The following NPEPL1 variants were observed in gnomAD, a reference collection of about 807,000 sequenced individuals.
NPEPL1 encodes probable aminopeptidase NPEPL1.
Under a neutral mutation model 52.4 loss-of-function variants are expected in NPEPL1, and 45 were observed. The ratio of observed to expected loss-of-function variants is 0.86; its 90% CI spans 0.68 to 1.10. NPEPL1 has a LOEUF of 1.10. NPEPL1 is among the 50% of genes least tolerant of loss of function. NPEPL1 has a pLI of 0.00. For synonymous variants in NPEPL1, 360 were observed against 314.7 expected (o/e 1.14, Z -1.52); for missense variants, 696 against 710.9 (o/e 0.98, Z 0.24).
intron 6 of NPEPL1, 49 bp downstream of exon 6, chr20:58,701,207 G>A (rs745925159): frequency 7.5e-7 from 1 of 1,328,484 alleles, no homozygotes. Flanking sequence ...GGGAGGGGAA[G>A]GTGAGGTGCA....
Position 58,713,460 on chromosome 20 carries a change from G to C in NPEPL1, c.1042G>C (p.Val348Leu), listed in dbSNP as rs763696613. The C allele has an allele frequency of 1.1e-5, 18 of 1,610,866 alleles. No homozygotes were observed. The East Asian group carries it at 4.0e-4, about 36-fold the overall frequency. The change falls in exon 9 of 12, where the codon GTG becomes CTG. Residue 348 changes from valine to leucine, a missense_variant. Transcript: ENST00000356091. This position sits in a 1 kb window ranked among gnomAD's most constrained non-coding sequence, Gnocchi z 4.6. ...CAACACGGATGCCGAGGGCAGGCTG[G>C]TGCTGGCAGATGGCGTGTCCTATGC... ...INNTDAEGRL[V>L]LADGVSYACK...
chr20:58,695,496 C>T (rs1028255029), intron 3 of NPEPL1, among the ~76,000 whole-genome samples: 9 of 152,222 alleles, frequency 5.9e-5, no homozygotes, highest in Non-Finnish European at 1.0e-4. Flanking sequence ...CCCACGGCAG[C>T]GGTCCCAGCC....
chr20:58,706,700 C>T (rs1309717779), intron 6 of NPEPL1, among the ~76,000 whole-genome samples: 2 of 152,146 alleles, frequency 1.3e-5, no homozygotes, highest in African/African-American at 4.8e-5. Flanking sequence ...GAGAGTGGCC[C>T]TGCAGACAGA....
chr20:58,702,295 C>CT (rs2084645027), intron 6 of NPEPL1, among the ~76,000 whole-genome samples: 1 of 148,810 alleles, frequency 6.7e-6, no homozygotes, highest in Non-Finnish European at 1.5e-5. Context: ...GGGCCTGCCC[C>CT]TGGTGTCACC....
chr20:58,698,553 C>T lies in NPEPL1; in HGVS notation c.508-131C>T, dbSNP rs370378631. The T allele has an allele frequency of 3.0e-5, 23 of 769,570 alleles. No individual in the cohort carries two copies. The East Asian group carries it at 3.8e-4, about 13-fold the overall frequency. The allele number at this position is 769,570 out of a possible 1,614,324, so 47.7% of individuals were successfully genotyped here. A position where few individuals can be genotyped will look rare whatever the true frequency, so the allele number is the denominator to read the frequency against. On this transcript the variant is annotated intron_variant, in intron 3 of 11. Coordinates refer to ENST00000356091, the MANE Select transcript of NPEPL1 (RefSeq NM_024663.4). Reference sequence around the variant, plus strand: ...AGCGAGAGCCATGGTCCCCCTCTCCCCTCTCTTTGCTGCCCTGTCAGTAGC... The same window carrying T: ...AGCGAGAGCCATGGTCCCCCTCTCCTCTCTCTTTGCTGCCCTGTCAGTAGC...
In NPEPL1 at chr20:58,715,188, C is replaced by T. The variant is rs761006655; in HGVS notation, c.1434C>T (p.Phe478=). The part of the protein sequence containing the change: ...PVHAGERATG[F]GVALLLALFG... ...TGCAGGGTGAGCGAGCCACAGGCTT[C>T]GGTGTGGCCCTCCTGCTGGCGCTCT... Residue 478 remains phenylalanine, a synonymous_variant, in exon 12 of 12, where the codon TTC becomes TTT. Coordinates refer to ENST00000356091, the MANE Select transcript of NPEPL1 (RefSeq NM_024663.4). 5.9e-5 allele frequency: 94 copies of T among 1,606,458 alleles called. No homozygotes were observed. The highest frequency in any genetic ancestry group is 7.5e-5 in the Non-Finnish European group (88 of 1,178,230).
Position 58,693,833 on chromosome 20 carries a change from G to A in NPEPL1, c.247G>A (p.Val83Met). Residue 83 changes from valine (V) to methionine (M), a missense_variant, in exon 2 of 12, where the codon GTG (valine) becomes ATG (methionine). Val to Met is a conservative substitution (Grantham distance 21). Coordinates refer to ENST00000356091, the MANE Select transcript of NPEPL1 (RefSeq NM_024663.4). ...YATVAALPCR[V>M]SRHNSPSAAH... is the part of the protein sequence containing the mutation. ...CACCGTGGCTGCCCTGCCCTGCAGG[G>A]TGAGCCGGCACAACAGCCCCTCGGC... The A allele has an allele frequency of 1.2e-6, 2 of 1,613,704 alleles. No homozygotes were observed. The highest frequency in any genetic ancestry group is 1.7e-6 in the Non-Finnish European group (2 of 1,179,822).
At chr20:58,702,247 G>A (rs1025927247) in intron 6 of NPEPL1, among the ~76,000 whole-genome samples, 6 of 152,252 alleles carry the variant, frequency 3.9e-5, no homozygotes, top group African/African-American at 7.2e-5. Context: ...CAGTGCTGGC[G>A]TTCTGTTCCC....
chr20:58,698,828 C>T (rs2084547839), intron 4 of NPEPL1, 55 bp downstream of exon 4: 1 of 1,502,474 alleles, frequency 6.7e-7, no homozygotes, highest in African/African-American at 1.4e-5. Context: ...GTGTCATAGA[C>T]TCCCAGGAGA....
intron 3 of NPEPL1, among the ~76,000 whole-genome samples, chr20:58,697,858 C>T (rs893656895): frequency 6.6e-6 from 1 of 152,240 alleles, no homozygotes; most frequent in African/African-American, 2.4e-5. Flanking sequence ...TTGGGACCCA[C>T]GTGATGTGTG....
intron 11 of NPEPL1, 128 bp from the exon 12 acceptor site, chr20:58,715,040 C>G (rs1186764813): frequency 9.2e-7 from 1 of 1,089,852 alleles, no homozygotes; most frequent in Non-Finnish European, 1.3e-6. Context: ...GGCTGGTGCT[C>G]AGGATCTCCT....
intron 7 of NPEPL1, among the ~76,000 whole-genome samples, chr20:58,711,938 G>A (rs1282000506): frequency 7.2e-6 from 1 of 139,006 alleles, no homozygotes; most frequent in East Asian, 2.2e-4. Flanking sequence ...TGCTGCCCGG[G>A]TGTGGCCCGC....
At position 58,713,391 on chromosome 20, in the gene NPEPL1, C is replaced by T. The variant is rs755358978; in HGVS notation, c.1002-29C>T. 6.4e-7 allele frequency: 1 copy of T among 1,569,656 alleles called. No individual in the cohort carries two copies. The highest frequency in any genetic ancestry group is 1.2e-5 in the South Asian group (1 of 85,940). On this transcript the variant is annotated intron_variant, in intron 8 of 11. Coordinates refer to ENST00000356091, the MANE Select transcript of NPEPL1 (RefSeq NM_024663.4). The surrounding 1 kb of genome is among the most constrained non-coding windows in gnomAD (Gnocchi z 4.6). The stretch of plus-strand genomic sequence containing the variant: ...TGCCAGTGTCCCAGGAAATCCCGTC[C>T]CTGAGCGGGGATCTCTACCATGCCC...
At chr20:58,691,655 C>A, upstream of NPEPL1, 1 of 725,892 alleles carries the variant, frequency 1.4e-6, no homozygotes, top group Non-Finnish European at 2.3e-6. Flanking sequence ...CACACCACGC[C>A]AGGGAGTTGA....
chr20:58,709,808 G>T (rs923065970), intron 7 of NPEPL1, among the ~76,000 whole-genome samples: 5 of 152,226 alleles, frequency 3.3e-5, no homozygotes, highest in Admixed American at 6.5e-5. Flanking sequence ...AAAAGACAAA[G>T]CCAGACTATG....
intron 6 of NPEPL1, chr20:58,704,220 T>G: frequency 1.0e-6 from 1 of 985,062 alleles, no homozygotes; most frequent in Non-Finnish European, 1.2e-6. Context: ...GTAGAGCAAA[T>G]GGTGCAGAAA....
chr20:58,715,414 T>C lies in NPEPL1; in HGVS notation c.*88T>C. The C allele has an allele frequency of 3.7e-6, 5 of 1,354,656 alleles. No homozygotes were observed. Among genetic ancestry groups the C allele is most frequent in the Non-Finnish European group, 4.9e-6 (5 of 1,023,952 alleles). 83.9% of individuals were successfully genotyped at this position (1,354,656 alleles called of 1,614,324 possible). A position where few individuals can be genotyped will look rare whatever the true frequency, so the allele number is the denominator to read the frequency against. ...AGCAATTGAAAGATTGCCCTTCATA[T>C]GGGTTTTGGTTTGTCTTTCTGGTCG... is the stretch of plus-strand genomic sequence containing the variant. On this transcript the variant is annotated 3_prime_UTR_variant, in exon 12 of 12. Transcript: ENST00000356091.
upstream of NPEPL1, chr20:58,691,705 T>TTTTTTTTTTTTG: frequency 1.3e-6 from 1 of 750,052 alleles, no homozygotes; most frequent in South Asian, 1.9e-5. Context: ...TTTTTTTTTT[T>TTTTTTTTTTTTG]TTTTTTTTTC....
At chr20:58,699,371 GTCCCAAACTTCA>G in intron 5 of NPEPL1, 93 bp downstream of exon 5, 1 of 916,746 alleles carries the variant, frequency 1.1e-6, no homozygotes, top group Non-Finnish European at 1.6e-6. Context: ...ATGGCACATT[GTCCCAAACTTCA>G]TCCTGCTTGT....
Sources: allele counts gnomAD v4.1 joint callset (sites outside exome capture counted in the v4.1 genomes callset), GRCh38; gene constraint gnomAD v4.1.1; non-coding constraint Gnocchi (gnomAD v3.1); transcripts MANE v1.5; gene names NCBI Gene and HGNC (gene_info 2026-07-23, HGNC 2026-07-21).